The following RAPGEF1 variants were observed in gnomAD, a reference collection of about 807,000 sequenced individuals.
RAPGEF1 encodes the protein Rap guanine nucleotide exchange factor 1.
RAPGEF1 carries 33 observed loss-of-function variants against 143.3 expected under a neutral mutation model. That is an observed-to-expected ratio of 0.23 (90% CI 0.17 to 0.31). RAPGEF1 has a LOEUF of 0.31. RAPGEF1 is among the 10% of genes least tolerant of loss of function. The pLI is 1.00. For missense variants in RAPGEF1, 1,199 were observed against 1,645.4 expected, an observed-to-expected ratio of 0.73 and a Z score of 4.69; for synonymous variants, 629 against 676.5, an observed-to-expected ratio of 0.93 and a Z score of 1.09.
At chr9:131,625,441 A>G (rs1381781837) in intron 10 of RAPGEF1, among the ~76,000 whole-genome samples, 2 of 152,168 alleles carry the variant, frequency 1.3e-5, no homozygotes, top group East Asian at 3.8e-4. Context: ...CTGCTGGGCA[A>G]CCCCAGCTTC....
At chr9:131,684,426 T>C (rs1397897917) in intron 1 of RAPGEF1, among the ~76,000 whole-genome samples, 1 of 152,188 alleles carries the variant, frequency 6.6e-6, no homozygotes, top group Non-Finnish European at 1.5e-5. Context: ...TTTTTCTCTA[T>C]GTGGAATATT....
chr9:131,629,234 G>A lies in RAPGEF1; in HGVS notation c.761C>T (p.Thr254Ile). The A allele has an allele frequency of 1.9e-6, 3 of 1,613,898 alleles. No homozygotes were observed. The highest frequency in any genetic ancestry group is 1.7e-6 in the Non-Finnish European group (2 of 1,179,814). ...KPDGPAELPL[T>I]DREVEILNKT... ...GTTTAGGATCTCTACCTCGCGGTCT[G>A]TCAGGGGGAGCTCTGCTGGGCTGGA... is the stretch of plus-strand genomic sequence containing the variant. The change falls in exon 7 of 27, where the codon ACA becomes ATA. Residue 254 changes from threonine (T) to isoleucine (I), a missense_variant. Thr to Ile is a moderately conservative substitution (Grantham distance 89). Transcript: ENST00000683357.
chr9:131,622,683 G>A (rs574868158), intron 10 of RAPGEF1, among the ~76,000 whole-genome samples: 1 of 152,162 alleles, frequency 6.6e-6, no homozygotes, highest in Admixed American at 6.5e-5. Flanking sequence ...GGTTGTAAAA[G>A]ATGCACAGGA....
chr9:131,737,684 GC>G, intron 1 of RAPGEF1: 1 of 1,121,208 alleles, frequency 8.9e-7, no homozygotes, highest in Non-Finnish European at 1.2e-6. Flanking sequence ...AAAAAAAGAG[GC>G]CCAGCGCGGT....
chr9:131,649,400 C>T (rs527294736), intron 3 of RAPGEF1, among the ~76,000 whole-genome samples: 3 of 151,844 alleles, frequency 2.0e-5, no homozygotes, highest in Non-Finnish European at 4.4e-5. Context: ...TTTAAATTCA[C>T]GAGATATTAA....
At chr9:131,606,928 A>C (rs1023911639) in intron 12 of RAPGEF1, among the ~76,000 whole-genome samples, 4 of 152,124 alleles carry the variant, frequency 2.6e-5, no homozygotes, top group Non-Finnish European at 5.9e-5. Flanking sequence ...CCTGGCCCTT[A>C]AGCAGTCTGG....
intron 1 of RAPGEF1, among the ~76,000 whole-genome samples, chr9:131,664,881 A>T (rs1209692943): frequency 3.3e-5 from 5 of 152,240 alleles, no homozygotes. Flanking sequence ...TTCAAAAGTT[A>T]AAAAACTACA....
intron 1 of RAPGEF1, among the ~76,000 whole-genome samples, chr9:131,696,273 G>A (rs756717378): frequency 3.9e-5 from 6 of 152,078 alleles, no homozygotes; most frequent in African/African-American, 7.2e-5. Flanking sequence ...GGGGATCCCC[G>A]GACCATCCTG....
intron 1 of RAPGEF1, among the ~76,000 whole-genome samples, chr9:131,707,461 AAC>A (rs1835159185): frequency 6.6e-6 from 1 of 152,008 alleles, no homozygotes. Context: ...TCTTTTTTGA[AAC>A]AGAGGCTCTC....
chr9:131,689,561 C>T (rs1020769560), intron 1 of RAPGEF1, among the ~76,000 whole-genome samples: 2 of 150,180 alleles, frequency 1.3e-5, no homozygotes, highest in South Asian at 2.1e-4. Flanking sequence ...TTTCCAGAGA[C>T]GGAGTCTTGC....
intron 1 of RAPGEF1, among the ~76,000 whole-genome samples, chr9:131,715,449 T>C (rs1321732278): frequency 2.6e-5 from 4 of 152,128 alleles, no homozygotes; most frequent in South Asian, 2.1e-4. Flanking sequence ...CAGGGCCTTA[T>C]AGATCCAGGG....
chr9:131,671,340 G>A (rs904419586), intron 1 of RAPGEF1, among the ~76,000 whole-genome samples: 7 of 152,236 alleles, frequency 4.6e-5, no homozygotes, highest in Non-Finnish European at 8.8e-5. Flanking sequence ...CGGGCCACAC[G>A]GTGGAGAGGC....
intron 3 of RAPGEF1, among the ~76,000 whole-genome samples, chr9:131,645,126 C>A (rs530227069): frequency 1.3e-5 from 2 of 152,248 alleles, no homozygotes; most frequent in Non-Finnish European, 2.9e-5. Context: ...TGGGCGCTTA[C>A]TTTTCCACCT....
Position 131,626,166 on chromosome 9 carries a change from C to T in RAPGEF1, c.1458G>A (p.Ala486=), listed in dbSNP as rs370599384. The change falls in exon 10 of 27, where the codon GCG becomes GCA. Residue 486 remains alanine, a synonymous_variant. Coordinates refer to ENST00000683357, the MANE Select transcript of RAPGEF1 (RefSeq NM_001377935.1). The stretch of plus-strand genomic sequence containing the variant: ...AGGACACCCTGCAGCCAGAGCCGTC[C>T]GCCGTCTGGGAGGCTGCGCTCCTGC... ...KKRRSAASQT[A]DGSGCRVSYE... 1.5e-4 allele frequency: 240 copies of T among 1,613,832 alleles called. No individual in the cohort carries two copies. Among genetic ancestry groups the T allele is most frequent in the Admixed American group, 1.0e-3 (60 of 59,992 alleles).
intron 15 of RAPGEF1, among the ~76,000 whole-genome samples, chr9:131,599,044 C>T (rs1955797207): frequency 6.6e-6 from 1 of 151,656 alleles, no homozygotes; most frequent in Non-Finnish European, 1.5e-5. Flanking sequence ...AGGCTGGTCT[C>T]GAACTCCTGT....
At chr9:131,702,114 T>C (rs1834698112) in intron 1 of RAPGEF1, among the ~76,000 whole-genome samples, 1 of 152,284 alleles carries the variant, frequency 6.6e-6, no homozygotes, top group Admixed American at 6.5e-5. Flanking sequence ...TTGTCATCCA[T>C]ATGCAGTTAG....
Position 131,619,038 on chromosome 9 carries a change from G to C in RAPGEF1, c.2061+13C>G. On this transcript the variant is annotated intron_variant, in intron 12 of 26. Coordinates refer to ENST00000683357, the MANE Select transcript of RAPGEF1 (RefSeq NM_001377935.1). ...ACGCGTTTCCAAGTAAAGAACAGCA[G>C]GGAGCAACTCACCGAGGGCACGGGC... The C allele has an allele frequency of 7.4e-7, 1 of 1,354,546 alleles. No individual in the cohort carries two copies. Among genetic ancestry groups the C allele is most frequent in the Non-Finnish European group, 9.8e-7 (1 of 1,016,794 alleles). 83.9% of individuals were successfully genotyped at this position (1,354,546 alleles called of 1,614,324 possible). A position where few individuals can be genotyped will look rare whatever the true frequency, so the allele number is the denominator to read the frequency against.
intron 1 of RAPGEF1, among the ~76,000 whole-genome samples, chr9:131,735,574 T>G (rs953397280): frequency 6.6e-6 from 1 of 152,154 alleles, no homozygotes; most frequent in Admixed American, 6.5e-5. Flanking sequence ...CCCTGATGAA[T>G]GAGGGATGGA....
In RAPGEF1 at chr9:131,596,321, T is replaced by A; in HGVS notation, c.2666A>T (p.His889Leu). The A allele has an allele frequency of 6.2e-7, 1 of 1,613,984 alleles. No individual in the cohort carries two copies. Among genetic ancestry groups the A allele is most frequent in the Non-Finnish European group, 8.5e-7 (1 of 1,179,874 alleles). Residue 889 changes from histidine to leucine, a missense_variant, in exon 17 of 27, where the codon CAT becomes CTT. His to Leu is a moderately conservative substitution (Grantham distance 99). This residue lies in a region of RAPGEF1 where 209 missense variants were observed against 403.0 expected (regional missense o/e 0.52). Transcript: ENST00000683357. The part of the protein sequence containing the change: ...RGGSGDILLV[H>L]ATETDRKDLV... The stretch of plus-strand genomic sequence containing the variant: ...ACCTTTCCTGTCAGTCTCAGTAGCA[T>A]GGACCAGTAAGATGTCCCCAGATCC...
Sources: gnomAD v4.1 joint callset for allele counts (sites outside exome capture counted in the v4.1 genomes callset) on GRCh38, gnomAD v4.1.1 for gene constraint, gnomAD v4.1.1 regional missense constraint, MANE v1.5 for transcripts, NCBI Gene and HGNC (gene_info 2026-07-23, HGNC 2026-07-21) for gene names.